The following THSD7A variants were observed in gnomAD, a reference collection of about 807,000 sequenced individuals.
The protein encoded by THSD7A is thrombospondin type 1 domain containing 7A.
Under a neutral mutation model 231.3 loss-of-function variants are expected in THSD7A, and 96 were observed. The observed-to-expected ratio is 0.41, with a 90% CI of 0.35 to 0.49. The LOEUF (loss-of-function observed/expected upper bound fraction) is 0.49. Ranked by LOEUF, THSD7A falls within the 20% of genes least tolerant of loss-of-function variation. THSD7A has a pLI of 0.05. For missense variants in THSD7A, 2,290 were observed against 2,070.2 expected (o/e 1.11, Z -2.06); for synonymous variants, 940 against 743.3 (o/e 1.26, Z -4.30).
chr7:11,731,366 A>T (rs1259981394), intron 1 of THSD7A, among the ~76,000 whole-genome samples: 2 of 151,662 alleles, frequency 1.3e-5, no homozygotes, highest in Non-Finnish European at 3.0e-5. Flanking sequence ...CAGAAAATAG[A>T]TTCTTCTTAA....
At chr7:11,755,156 T>C (rs1782632122) in intron 1 of THSD7A, among the ~76,000 whole-genome samples, 1 of 151,938 alleles carries the variant, frequency 6.6e-6, no homozygotes, top group African/African-American at 2.4e-5. Context: ...GAGGGCTGCT[T>C]CTGAAAGTCA....
At chr7:11,780,347 C>T (rs181216676) in intron 1 of THSD7A, among the ~76,000 whole-genome samples, 2 of 152,274 alleles carry the variant, frequency 1.3e-5, no homozygotes, top group East Asian at 3.9e-4. Flanking sequence ...CAATAGAATA[C>T]TGCAGAAATG....
intron 1 of THSD7A, among the ~76,000 whole-genome samples, chr7:11,807,722 C>T (rs1239773126): frequency 6.6e-6 from 1 of 152,066 alleles, no homozygotes; most frequent in East Asian, 1.9e-4. Flanking sequence ...AGATTTATAA[C>T]ACCTAAAGCT....
At chr7:11,569,945 G>A (rs1443064002) in intron 4 of THSD7A, among the ~76,000 whole-genome samples, 2 of 152,166 alleles carry the variant, frequency 1.3e-5, no homozygotes, top group East Asian at 3.9e-4. Context: ...GCTGAGGTGG[G>A]TAGATCACTT....
At position 11,381,212 on chromosome 7, in the gene THSD7A, G is replaced by A. The variant is rs377418260; in HGVS notation, c.4507+1309C>T. ...CCATACCTCTTAGAGTGGGGTAGAT[G>A]GAGCAGATTTTTCTCCCAAAAAATA... On this transcript the variant is annotated intron_variant, in intron 24 of 27. Coordinates refer to ENST00000423059, the MANE Select transcript of THSD7A (RefSeq NM_015204.3). Among the ~76,000 whole-genome samples the A allele has an allele frequency of 3.3e-5, 5 of 152,038 alleles. No individual in the cohort carries two copies. The East Asian group carries it at 7.7e-4, about 23-fold the overall frequency.
chr7:11,664,935 T>C (rs1783066026), intron 1 of THSD7A, among the ~76,000 whole-genome samples: 1 of 151,902 alleles, frequency 6.6e-6, no homozygotes, highest in African/African-American at 2.4e-5. Context: ...TGGATGCAAA[T>C]CAAAGAAAAG....
chr7:11,732,551 C>T lies in THSD7A; in HGVS notation c.191-95590G>A, dbSNP rs1263693405. Among the ~76,000 whole-genome samples the T allele has an allele frequency of 2.0e-5, 3 of 151,674 alleles. 1 individual carries two copies. Among genetic ancestry groups the T allele is most frequent in the Non-Finnish European group, 4.4e-5 (3 of 67,812 alleles). ...GAATGAATTGTATTTTACACTGTGC[C>T]GGTATTATATAGTTTATGTATAAAA... is the stretch of plus-strand genomic sequence containing the variant. On this transcript the variant is annotated intron_variant, in intron 1 of 27. Coordinates refer to ENST00000423059, the MANE Select transcript of THSD7A (RefSeq NM_015204.3).
chr7:11,654,970 A>G (rs935700505), intron 1 of THSD7A, among the ~76,000 whole-genome samples: 4 of 151,912 alleles, frequency 2.6e-5, no homozygotes, highest in Non-Finnish European at 5.9e-5. Flanking sequence ...TTAAACCTGA[A>G]GGATGTCTTG....
intron 13 of THSD7A, among the ~76,000 whole-genome samples, chr7:11,434,307 G>A (rs1011141355): frequency 1.3e-5 from 2 of 152,002 alleles, no homozygotes; most frequent in Admixed American, 6.6e-5. Flanking sequence ...AGAATTTGAC[G>A]CTTGGAAAAA....
chr7:11,573,114 T>C (rs1790719743), intron 4 of THSD7A, among the ~76,000 whole-genome samples: 1 of 152,196 alleles, frequency 6.6e-6, no homozygotes, highest in Non-Finnish European at 1.5e-5. Context: ...CCATAGTCTT[T>C]CTGAGACCTG....
rs1554274392 is a variant in THSD7A, at chr7:11,758,038, T to TATATAA, written c.190+73718_190+73719insTTATAT. ...ATATATATATATATATATATATATA[T>TATATAA]AATGTTTCACTTTAATCATCACAAA... On this transcript the variant is annotated intron_variant, in intron 1 of 27. Coordinates refer to ENST00000423059, the MANE Select transcript of THSD7A (RefSeq NM_015204.3). Among the ~76,000 whole-genome samples, 7 of 144,656 alleles carry TATATAA rather than the reference T, an allele frequency of 4.8e-5. No homozygotes were observed. In the East Asian group the frequency reaches 1.2e-3, roughly 25 times the overall value. The allele number at this position is 144,656 out of a possible 152,430, so 94.9% of individuals were successfully genotyped here. A position where few individuals can be genotyped will look rare whatever the true frequency, so the allele number is the denominator to read the frequency against.
chr7:11,561,614 T>C (rs995885095), intron 4 of THSD7A, among the ~76,000 whole-genome samples: 1 of 152,208 alleles, frequency 6.6e-6, no homozygotes, highest in African/African-American at 2.4e-5. Flanking sequence ...CTCAGACCTG[T>C]AATCCCAACA....
chr7:11,658,059 C>G (rs992729154), intron 1 of THSD7A, among the ~76,000 whole-genome samples: 1 of 151,660 alleles, frequency 6.6e-6, no homozygotes, highest in Non-Finnish European at 1.5e-5. Context: ...AAGGGACCAG[C>G]AGTCAGTGAG....
intron 4 of THSD7A, among the ~76,000 whole-genome samples, chr7:11,550,908 G>T (rs1789601377): frequency 6.6e-6 from 1 of 151,998 alleles, no homozygotes; most frequent in Non-Finnish European, 1.5e-5. Flanking sequence ...TAAGCAAAAA[G>T]AACAAAGCCA....
At chr7:11,579,616 G>A (rs1791069717) in intron 4 of THSD7A, among the ~76,000 whole-genome samples, 1 of 152,170 alleles carries the variant, frequency 6.6e-6, no homozygotes, top group African/African-American at 2.4e-5. Context: ...CAGGTATGAA[G>A]TAAGATGAAA....
chr7:11,571,748 T>C (rs1447609214), intron 4 of THSD7A, among the ~76,000 whole-genome samples: 1 of 152,296 alleles, frequency 6.6e-6, no homozygotes, highest in South Asian at 2.1e-4. Flanking sequence ...GCAGACTTCA[T>C]TGTCTGAGAT....
Position 11,474,222 on chromosome 7 carries a change from G to C in THSD7A, c.2252+112C>G. 1.1e-6 allele frequency: 1 copy of C among 872,816 alleles called. No individual in the cohort carries two copies. The highest frequency in any genetic ancestry group is 1.7e-6 in the Non-Finnish European group (1 of 579,570). 54.1% of individuals were successfully genotyped at this position (872,816 alleles called of 1,614,324 possible). A position where few individuals can be genotyped will look rare whatever the true frequency, so the allele number is the denominator to read the frequency against. ...CAAAACAAACAAATCTTGCTCTTGA[G>C]GACAGGTATGACAAGCATCAAAATG... On this transcript the variant is annotated intron_variant, in intron 8 of 27. Coordinates refer to ENST00000423059, the MANE Select transcript of THSD7A (RefSeq NM_015204.3). The surrounding 1 kb of genome is among the most constrained non-coding windows in gnomAD (Gnocchi z 4.1).
chr7:11,422,803 C>T (rs1223159090), intron 16 of THSD7A, among the ~76,000 whole-genome samples: 1 of 152,010 alleles, frequency 6.6e-6, no homozygotes, highest in Non-Finnish European at 1.5e-5. Context: ...CAGGTGCATG[C>T]CACCATGTGC....
At chr7:11,803,156 G>GGCA (rs1784320653) in intron 1 of THSD7A, among the ~76,000 whole-genome samples, 2 of 152,114 alleles carry the variant, frequency 1.3e-5, no homozygotes, top group South Asian at 4.1e-4. Flanking sequence ...TTTTTCAACA[G>GGCA]GCAGCAGCAT....
Sources: gnomAD v4.1 joint callset for allele counts (sites outside exome capture counted in the v4.1 genomes callset) on GRCh38, gnomAD v4.1.1 for gene constraint, Gnocchi (gnomAD v3.1) non-coding constraint, MANE v1.5 for transcripts, NCBI Gene and HGNC (gene_info 2026-07-23, HGNC 2026-07-21) for gene names.